Variants in FA2H observed in about 807,000 individuals in gnomAD.
FA2H encodes fatty acid 2-hydroxylase, also known as fatty acid alpha-hydroxylase.
A neutral mutation model predicts 44.9 loss-of-function variants in FA2H; 22 were observed. That is an observed-to-expected ratio of 0.49 (90% CI 0.35 to 0.70). The LOEUF (loss-of-function observed/expected upper bound fraction) is 0.70, where lower values mean the gene tolerates loss of function less well. Ranked by LOEUF, FA2H falls within the 30% of genes least tolerant of loss-of-function variation. The pLI is 0.01. For missense variants in FA2H, 501 were observed against 504.9 expected, an observed-to-expected ratio of 0.99 and a Z score of 0.07; for synonymous variants, 243 against 213.2, an observed-to-expected ratio of 1.14 and a Z score of -1.22.
rs113929532 is a variant in FA2H at position 74,752,401 on chromosome 16, C to T, written c.271-12286G>A. Among the ~76,000 whole-genome samples the T allele has an allele frequency of 1.3e-3, 196 of 152,260 alleles. 1 individual carries two copies. Among genetic ancestry groups the T allele is most frequent in the African/African-American group, 4.5e-3 (187 of 41,554 alleles). On this transcript the variant is annotated intron_variant, in intron 1 of 6. Coordinates refer to ENST00000219368, the MANE Select transcript of FA2H (RefSeq NM_024306.5). ...AAGTAGGGCTCTTGCCCACCTCCTT[C>T]CACTTCAGCCCCCACCAGACTCCAT...
At chr16:74,764,870 G>C (rs984032716) in intron 1 of FA2H, among the ~76,000 whole-genome samples, 12 of 152,176 alleles carry the variant, frequency 7.9e-5, no homozygotes, top group African/African-American at 2.9e-4. Context: ...ATACCTATGA[G>C]TGTCACCCAG....
intron 5 of FA2H, among the ~76,000 whole-genome samples, chr16:74,718,412 G>C (rs60833066): frequency 6.6e-6 from 1 of 152,216 alleles, no homozygotes; most frequent in East Asian, 1.9e-4. Flanking sequence ...CTATCTTCTC[G>C]GGCCAGCTTC....
At chr16:74,718,748 T>C (rs984853427) in intron 5 of FA2H, among the ~76,000 whole-genome samples, 2 of 152,230 alleles carry the variant, frequency 1.3e-5, no homozygotes, top group Non-Finnish European at 2.9e-5. Flanking sequence ...TTAAAGGTGA[T>C]GCGTAAACAA....
chr16:74,770,825 C>T (rs1212597969), intron 1 of FA2H, among the ~76,000 whole-genome samples: 1 of 152,238 alleles, frequency 6.6e-6, no homozygotes, highest in East Asian at 1.9e-4. Context: ...TTTTGTTCCA[C>T]ATGCTCAGGT....
At chr16:74,721,906 A>G (rs72792749) in intron 4 of FA2H, among the ~76,000 whole-genome samples, 3,352 of 152,358 alleles carry the variant, frequency 0.022, 53 homozygotes, top group Non-Finnish European at 0.034. Flanking sequence ...TCAGAGCAAC[A>G]GTAACGGCAG....
intron 1 of FA2H, among the ~76,000 whole-genome samples, chr16:74,765,910 G>A (rs964590948): frequency 6.6e-6 from 1 of 152,158 alleles, no homozygotes; most frequent in Admixed American, 6.6e-5. Flanking sequence ...GTGTGCTAGA[G>A]AAATCCAGGT....
chr16:74,747,620 C>G (rs1453622051), intron 1 of FA2H, among the ~76,000 whole-genome samples: 1 of 151,940 alleles, frequency 6.6e-6, no homozygotes, highest in Non-Finnish European at 1.5e-5. Context: ...CAGACACACA[C>G]GTGTGAAGAT....
intron 1 of FA2H, among the ~76,000 whole-genome samples, chr16:74,752,240 C>A (rs890071583): frequency 6.6e-6 from 1 of 152,166 alleles, no homozygotes. Context: ...GCCCAATCTG[C>A]CCTCCACATG....
intron 1 of FA2H, among the ~76,000 whole-genome samples, chr16:74,745,114 C>G (rs1317226649): frequency 6.6e-6 from 1 of 152,162 alleles, no homozygotes; most frequent in Non-Finnish European, 1.5e-5. Context: ...AGCCCTCATC[C>G]CAGTCCCTCC....
intron 1 of FA2H, among the ~76,000 whole-genome samples, chr16:74,745,065 G>A (rs964730169): frequency 1.2e-4 from 19 of 152,146 alleles, no homozygotes; most frequent in African/African-American, 4.3e-4. Flanking sequence ...TGAGGCGAAC[G>A]AGACTGTCCC....
At chr16:74,714,396 C>A in intron 6 of FA2H, 127 bp from the exon 7 acceptor site, 1 of 718,264 alleles carries the variant, frequency 1.4e-6, no homozygotes, top group Non-Finnish European at 2.5e-6. Context: ...TTGGCCTTCC[C>A]AACTCCCGAG....
At chr16:74,727,223 C>T (rs1246895922) in intron 3 of FA2H, 21 bp downstream of exon 3, 6 of 1,613,922 alleles carry the variant, frequency 3.7e-6, no homozygotes, top group East Asian at 4.5e-5. Flanking sequence ...CAGCCTGCCA[C>T]AGGCTCAGGG....
At chr16:74,760,085 T>C (rs1003016183) in intron 1 of FA2H, among the ~76,000 whole-genome samples, 2 of 152,164 alleles carry the variant, frequency 1.3e-5, no homozygotes, top group Non-Finnish European at 2.9e-5. Context: ...ACAGGGATCA[T>C]CGTTATCCAA....
intron 4 of FA2H, among the ~76,000 whole-genome samples, chr16:74,725,243 C>G (rs555280581): frequency 6.6e-6 from 1 of 152,338 alleles, no homozygotes; most frequent in East Asian, 1.9e-4. Context: ...GTGACCATGG[C>G]CCCTCTCATG....
At chr16:74,762,654 C>T (rs1356642526) in intron 1 of FA2H, among the ~76,000 whole-genome samples, 6 of 152,094 alleles carry the variant, frequency 3.9e-5, no homozygotes, top group Non-Finnish European at 1.5e-5. Flanking sequence ...TTCAGCCTCC[C>T]GATTAACTGG....
intron 2 of FA2H, among the ~76,000 whole-genome samples, chr16:74,736,026 C>G (rs1962172783): frequency 6.6e-6 from 1 of 151,072 alleles, no homozygotes; most frequent in Admixed American, 6.6e-5. Flanking sequence ...CTGCATCATA[C>G]TGGAACACTG....
intron 4 of FA2H, among the ~76,000 whole-genome samples, chr16:74,723,532 C>T (rs965543174): frequency 7.9e-5 from 12 of 152,284 alleles, no homozygotes; most frequent in Admixed American, 3.9e-4. Context: ...TCCTTCTTCC[C>T]GCCCACCTCC....
intron 4 of FA2H, 122 bp from the exon 5 acceptor site, chr16:74,719,282 G>A (rs1310166048): frequency 1.2e-6 from 1 of 819,246 alleles, no homozygotes; most frequent in Non-Finnish European, 2.0e-6. Flanking sequence ...ACAGCTACAG[G>A]GCCAGGCCAT....
intron 1 of FA2H, among the ~76,000 whole-genome samples, chr16:74,769,625 T>A (rs1025285836): frequency 6.6e-6 from 1 of 152,176 alleles, no homozygotes; most frequent in Non-Finnish European, 1.5e-5. Flanking sequence ...GATTCATGGA[T>A]GCCCAGAGTC....
Sources: allele counts gnomAD v4.1 joint callset (sites outside exome capture counted in the v4.1 genomes callset), GRCh38; gene constraint gnomAD v4.1.1; transcripts MANE v1.5; gene names NCBI Gene and HGNC (gene_info 2026-07-23, HGNC 2026-07-21).